MND1: variants seen among roughly 807,000 people sequenced by gnomAD.
The protein encoded by MND1 is meiotic nuclear division protein 1 homolog.
A neutral mutation model predicts 35.1 loss-of-function variants in MND1; 28 were observed. The observed-to-expected ratio is 0.80, with a 90% CI of 0.59 to 1.09. The LOEUF is 1.09. MND1 is among the 50% of genes least tolerant of loss of function. MND1 has a pLI of 0.00. For synonymous variants in MND1, 69 were observed against 70.5 expected, an observed-to-expected ratio of 0.98 and a Z score of 0.11; for missense variants, 213 against 239.6, an observed-to-expected ratio of 0.89 and a Z score of 0.73.
intron 4 of MND1, among the ~76,000 whole-genome samples, 171 bp downstream of exon 4, chr4:153,358,793 G>A (rs568202391): frequency 1.3e-5 from 2 of 152,190 alleles, no homozygotes; most frequent in Admixed American, 6.5e-5. Context: ...AACTTAGAAC[G>A]TTTTAATTTT....
At chr4:153,348,966 T>C (rs538538893) in intron 1 of MND1, among the ~76,000 whole-genome samples, 1 of 152,358 alleles carries the variant, frequency 6.6e-6, no homozygotes, top group Non-Finnish European at 1.5e-5. Context: ...TTGTTTTATG[T>C]CTGCTTTTTA....
chr4:153,345,149 C>T (rs1773042198), intron 1 of MND1, among the ~76,000 whole-genome samples: 1 of 149,322 alleles, frequency 6.7e-6, no homozygotes, highest in Admixed American at 6.7e-5. Flanking sequence ...CAGCTTCGGC[C>T]CCGCGTGGTG....
intron 4 of MND1, chr4:153,381,667 A>AT (rs1554011382): frequency 3.9e-4 from 10 of 25,460 alleles, no homozygotes; most frequent in Non-Finnish European, 6.6e-4. Context: ...TATATAATAT[A>AT]ATATATATAT....
At chr4:153,409,993 T>C (rs954980966) in intron 7 of MND1, among the ~76,000 whole-genome samples, 1 of 152,162 alleles carries the variant, frequency 6.6e-6, no homozygotes, top group African/African-American at 2.4e-5. Context: ...ACAGGCAGCA[T>C]GTGTGTGTAG....
intron 4 of MND1, among the ~76,000 whole-genome samples, chr4:153,383,040 T>C (rs1728753012): frequency 6.6e-6 from 1 of 152,242 alleles, no homozygotes; most frequent in South Asian, 2.1e-4. Context: ...TGCTGATCTT[T>C]AGCATCTATG....
chr4:153,414,712 T>C, intron 7 of MND1, 39 bp from the exon 8 acceptor site: 1 of 882,148 alleles, frequency 1.1e-6, no homozygotes, highest in Non-Finnish European at 1.8e-6. Context: ...GTTTTATGAT[T>C]GTGTTTTTCT....
chr4:153,367,810 G>A (rs1026012959), intron 4 of MND1, among the ~76,000 whole-genome samples: 3 of 152,168 alleles, frequency 2.0e-5, no homozygotes, highest in African/African-American at 4.8e-5. Flanking sequence ...TGATAACAGT[G>A]TGTTAGGGCA....
chr4:153,390,889 A>ATATGTGTGTGTG (rs757236550), intron 4 of MND1, among the ~76,000 whole-genome samples: 11,837 of 139,414 alleles, frequency 0.085, 576 homozygotes, highest in Admixed American at 0.14. Context: ...AGGTATATAT[A>ATATGTGTGTGTG]TGTGTGTGTG....
rs539959714 is a variant in MND1 at position 153,386,798 on chromosome 4, A to G, written c.277-7464A>G. On this transcript the variant is annotated intron_variant, in intron 4 of 7. Coordinates refer to ENST00000240488, the MANE Select transcript of MND1 (RefSeq NM_032117.4). ...GAAATTTCTCTGAAAATAGCAAGGC[A>G]TAAGACACTAAGTAAAGTATAATCC... Among the ~76,000 whole-genome samples the G allele has an allele frequency of 1.5e-4, 23 of 152,352 alleles. 1 individual carries two copies. Among genetic ancestry groups the G allele is most frequent in the African/African-American group, 5.5e-4 (23 of 41,574 alleles).
intron 4 of MND1, chr4:153,381,667 A>ATATATATATAT (rs1554011382): frequency 3.9e-5 from 1 of 25,460 alleles, no homozygotes; most frequent in East Asian, 2.8e-3. Context: ...TATATAATAT[A>ATATATATATAT]ATATATATAT....
intron 1 of MND1, chr4:153,345,221 C>A: frequency 1.9e-6 from 1 of 529,952 alleles, no homozygotes; most frequent in Non-Finnish European, 2.4e-6. Flanking sequence ...CTGCGGGGAG[C>A]GAACGTCTTG....
At chr4:153,364,272 T>C (rs1338094390) in intron 4 of MND1, among the ~76,000 whole-genome samples, 1 of 151,964 alleles carries the variant, frequency 6.6e-6, no homozygotes, top group Non-Finnish European at 1.5e-5. Context: ...TCTCAGCTAC[T>C]TGGGGGGCCT....
intron 4 of MND1, among the ~76,000 whole-genome samples, chr4:153,377,915 A>G (rs188604294): frequency 1.3e-5 from 2 of 152,098 alleles, no homozygotes; most frequent in Non-Finnish European, 2.9e-5. Context: ...CTTCCTCCTC[A>G]GCAGAGTATA....
intron 4 of MND1, among the ~76,000 whole-genome samples, chr4:153,364,763 G>T (rs1773584225): frequency 6.6e-6 from 1 of 152,134 alleles, no homozygotes; most frequent in Non-Finnish European, 1.5e-5. Context: ...CCAGGCTGAA[G>T]TGCAGTGGCA....
intron 3 of MND1, among the ~76,000 whole-genome samples, chr4:153,356,663 T>C (rs569043354): frequency 6.6e-6 from 1 of 152,114 alleles, no homozygotes; most frequent in African/African-American, 2.4e-5. Flanking sequence ...CCTTGAATTC[T>C]TTATTGTATT....
chr4:153,404,157 A>C (rs1169575486), intron 6 of MND1, among the ~76,000 whole-genome samples: 2 of 151,106 alleles, frequency 1.3e-5, no homozygotes, highest in African/African-American at 4.9e-5. Context: ...CGAGAAAATC[A>C]AAACCAAAAA....
intron 4 of MND1, chr4:153,381,897 G>C (rs2149646688): frequency 6.6e-6 from 1 of 150,568 alleles, no homozygotes; most frequent in Non-Finnish European, 1.5e-5. Context: ...CCATATTGGT[G>C]CCAAACTTAG....
At chr4:153,349,010 C>T (rs955290020) in intron 1 of MND1, among the ~76,000 whole-genome samples, 2 of 151,126 alleles carry the variant, frequency 1.3e-5, no homozygotes, top group Non-Finnish European at 1.5e-5. Context: ...TAATCCCCTA[C>T]AATTTTTGAG....
chr4:153,410,567 A>T (rs1024181326), intron 7 of MND1, among the ~76,000 whole-genome samples: 3 of 152,238 alleles, frequency 2.0e-5, no homozygotes, highest in Admixed American at 6.5e-5. Context: ...GATTGGTAAA[A>T]TCAATATAAT....
Sources: allele counts gnomAD v4.1 joint callset (sites outside exome capture counted in the v4.1 genomes callset), GRCh38; gene constraint gnomAD v4.1.1; transcripts MANE v1.5; gene names NCBI Gene and HGNC (gene_info 2026-07-23, HGNC 2026-07-21).